Variants in CRPPA observed in about 807,000 individuals in gnomAD.
The protein encoded by CRPPA is CDP-L-ribitol pyrophosphorylase A.
In CRPPA, 43 loss-of-function variants were observed where a neutral mutation model predicts 52.0. The ratio of observed to expected loss-of-function variants is 0.83; its 90% confidence interval spans 0.65 to 1.07. CRPPA has a LOEUF of 1.07. Ranked by LOEUF, CRPPA falls within the 50% of genes least tolerant of loss-of-function variation. CRPPA has a pLI of 0.00. For synonymous variants in CRPPA, 250 were observed against 203.5 expected, an observed-to-expected ratio of 1.23 and a Z score of -1.94; for missense variants, 629 against 551.7, an observed-to-expected ratio of 1.14 and a Z score of -1.40.
chr7:16,230,966 CTG>C, intron 8 of CRPPA, among the ~76,000 whole-genome samples: 1 of 152,134 alleles, frequency 6.6e-6, no homozygotes, highest in Non-Finnish European at 1.5e-5. Flanking sequence ...CCAAGAAAGA[CTG>C]AAGCCTGGGG....
At chr7:16,251,133 G>A (rs1351062720) in intron 8 of CRPPA, among the ~76,000 whole-genome samples, 21 of 151,676 alleles carry the variant, frequency 1.4e-4, no homozygotes, top group Admixed American at 3.9e-4. Context: ...TACAAGGAAG[G>A]GCATTACCTA....
intron 3 of CRPPA, among the ~76,000 whole-genome samples, chr7:16,325,884 T>C (rs1191135482): frequency 1.3e-5 from 2 of 152,118 alleles, no homozygotes; most frequent in Non-Finnish European, 2.9e-5. Flanking sequence ...TTATTCACTT[T>C]AGAATAGCAT....
At chr7:16,222,604 A>G (rs928415974) in intron 8 of CRPPA, among the ~76,000 whole-genome samples, 1 of 152,144 alleles carries the variant, frequency 6.6e-6, no homozygotes, top group Non-Finnish European at 1.5e-5. Context: ...TAAGAAATTA[A>G]TAATACAAAT....
At chr7:16,300,085 G>C (rs545355288) in intron 5 of CRPPA, among the ~76,000 whole-genome samples, 4 of 152,286 alleles carry the variant, frequency 2.6e-5, no homozygotes, top group African/African-American at 2.4e-5. Flanking sequence ...ATGTAAATAT[G>C]TCAAGATTTT....
intron 3 of CRPPA, among the ~76,000 whole-genome samples, chr7:16,360,527 C>T (rs570740630): frequency 6.6e-6 from 1 of 152,220 alleles, no homozygotes; most frequent in African/African-American, 2.4e-5. Flanking sequence ...TAAGTAGTAG[C>T]AGTATAAAGA....
chr7:16,225,345 AC>A (rs1782619742), intron 8 of CRPPA, among the ~76,000 whole-genome samples: 1 of 151,998 alleles, frequency 6.6e-6, no homozygotes, highest in Non-Finnish European at 1.5e-5. Flanking sequence ...ACAAGAACAT[AC>A]TTTAACACTG....
At chr7:16,149,993 A>AAG (rs1386184833) in intron 9 of CRPPA, among the ~76,000 whole-genome samples, 2 of 151,790 alleles carry the variant, frequency 1.3e-5, no homozygotes, top group Non-Finnish European at 2.9e-5. Context: ...AAAAAAAAAA[A>AAG]AGAGAGAGAA....
At chr7:16,294,859 G>A (rs1347117913) in intron 5 of CRPPA, among the ~76,000 whole-genome samples, 1 of 151,940 alleles carries the variant, frequency 6.6e-6, no homozygotes, top group Non-Finnish European at 1.5e-5. Flanking sequence ...TCACAGATGT[G>A]GAAAACCTGA....
chr7:16,321,089 C>T (rs1200388846), intron 3 of CRPPA, among the ~76,000 whole-genome samples: 1 of 152,066 alleles, frequency 6.6e-6, no homozygotes, highest in Non-Finnish European at 1.5e-5. Flanking sequence ...CTAGCCCCAC[C>T]TAACCAAAAA....
chr7:16,170,741 G>A (rs1050004615), intron 9 of CRPPA, among the ~76,000 whole-genome samples: 3 of 152,308 alleles, frequency 2.0e-5, no homozygotes, highest in East Asian at 1.9e-4. Flanking sequence ...AGGCAGCTGA[G>A]GCCCCGTGAG....
chr7:16,091,713 A>G lies in CRPPA; in HGVS notation c.1338T>C (p.Gly446=). Residue 446 remains glycine, a synonymous_variant, in exon 10 of 10, where the codon GGT becomes GGC. Coordinates refer to ENST00000407010, the MANE Select transcript of CRPPA (RefSeq NM_001101426.4). The part of the protein sequence containing the change: ...LIKERNSGLI[G]QLLIA ...GTGTTCTTCATGCTATCAGAAGCTG[A>G]CCAATGAGTCCAGAATTTCTTTCCT... 6.4e-7 allele frequency: 1 copy of G among 1,555,620 alleles called. No individual in the cohort carries two copies. The highest frequency in any genetic ancestry group is 8.7e-7 in the Non-Finnish European group (1 of 1,147,318).
chr7:16,106,060 A>G (rs1411068171), intron 9 of CRPPA, among the ~76,000 whole-genome samples: 5 of 152,150 alleles, frequency 3.3e-5, no homozygotes, highest in African/African-American at 1.2e-4. Flanking sequence ...AAGTGTAGCC[A>G]GCTTGACCCA....
intron 3 of CRPPA, among the ~76,000 whole-genome samples, chr7:16,315,785 C>A (rs963831428): frequency 8.5e-5 from 13 of 152,176 alleles, no homozygotes; most frequent in Non-Finnish European, 8.8e-5. Flanking sequence ...TATACTGAGT[C>A]TCTAGCAATT....
intron 9 of CRPPA, among the ~76,000 whole-genome samples, chr7:16,194,986 G>C (rs956366875): frequency 4.6e-5 from 7 of 151,974 alleles, no homozygotes; most frequent in Non-Finnish European, 7.4e-5. Context: ...CATTCTGATA[G>C]GTTCCTGCAA....
chr7:16,378,003 T>A (rs746260809), intron 2 of CRPPA, among the ~76,000 whole-genome samples: 1 of 152,126 alleles, frequency 6.6e-6, no homozygotes, highest in Non-Finnish European at 1.5e-5. Flanking sequence ...ACTGCCCTCA[T>A]GTAGATCACA....
chr7:16,299,055 G>A (rs981883957), intron 5 of CRPPA, among the ~76,000 whole-genome samples: 1 of 152,112 alleles, frequency 6.6e-6, no homozygotes, highest in South Asian at 2.1e-4. Flanking sequence ...ATAAATCTAT[G>A]TATGCATCTT....
chr7:16,360,709 A>T (rs1008657291), intron 3 of CRPPA, among the ~76,000 whole-genome samples: 1 of 152,214 alleles, frequency 6.6e-6, no homozygotes, highest in Non-Finnish European at 1.5e-5. Context: ...ACATCGTGAC[A>T]TATACAAAAG....
chr7:16,256,348 A>G (rs879931087), intron 8 of CRPPA, among the ~76,000 whole-genome samples: 8 of 142,926 alleles, frequency 5.6e-5, no homozygotes, highest in Non-Finnish European at 1.0e-4. Context: ...TGTGGAAGAC[A>G]GTGTGGCAAT....
chr7:16,115,564 A>C (rs1782353540), intron 9 of CRPPA, among the ~76,000 whole-genome samples: 1 of 152,218 alleles, frequency 6.6e-6, no homozygotes, highest in African/African-American at 2.4e-5. Context: ...AGGTGCAATG[A>C]GCACCCTTAG....
Sources: gnomAD v4.1 joint callset for allele counts (sites outside exome capture counted in the v4.1 genomes callset) on GRCh38, gnomAD v4.1.1 for gene constraint, MANE v1.5 for transcripts, NCBI Gene and HGNC (gene_info 2026-07-23, HGNC 2026-07-21) for gene names.